The following CACNA1A variants were observed in gnomAD, a reference collection of about 807,000 sequenced individuals.
CACNA1A encodes the protein voltage-dependent P/Q-type calcium channel subunit alpha-1A.
In CACNA1A, 57 loss-of-function variants were observed where a neutral mutation model predicts 262.4. The ratio of observed to expected loss-of-function variants is 0.22; its 90% CI spans 0.18 to 0.27. The LOEUF (loss-of-function observed/expected upper bound fraction) is 0.27. CACNA1A is among the 10% of genes least tolerant of loss of function. CACNA1A has a pLI of 1.00. For missense variants in CACNA1A, 2,526 were observed against 3,562.8 expected, an observed-to-expected ratio of 0.71 and a Z score of 7.41; for synonymous variants, 1,431 against 1,419.3, an observed-to-expected ratio of 1.01 and a Z score of -0.18.
chr19:13,347,894 C>A (rs2058822143), intron 6 of CACNA1A, among the ~76,000 whole-genome samples: 2 of 151,870 alleles, frequency 1.3e-5, no homozygotes, highest in Non-Finnish European at 2.9e-5. Context: ...GGCCAGGGGA[C>A]ACGCATTTAT....
intron 43 of CACNA1A, chr19:13,211,873 C>A: frequency 5.8e-6 from 3 of 519,702 alleles, no homozygotes; most frequent in Admixed American, 3.2e-5. Context: ...CCCTCTGCCC[C>A]AGGGGGAGCA....
chr19:13,466,791 T>C (rs530277606), intron 1 of CACNA1A, among the ~76,000 whole-genome samples: 1 of 152,060 alleles, frequency 6.6e-6, no homozygotes, highest in Non-Finnish European at 1.5e-5. Flanking sequence ...AAATTGCTGA[T>C]TTTTTTTCCT....
chr19:13,213,101 G>T (rs1391194662), intron 40 of CACNA1A, among the ~76,000 whole-genome samples: 1 of 152,066 alleles, frequency 6.6e-6, no homozygotes, highest in African/African-American at 2.4e-5. Flanking sequence ...CCACTTGCTT[G>T]GGGAAAAAGC....
At chr19:13,390,671 A>C (rs1364622171) in intron 3 of CACNA1A, among the ~76,000 whole-genome samples, 4 of 152,038 alleles carry the variant, frequency 2.6e-5, no homozygotes, top group African/African-American at 9.7e-5. Context: ...TTTTTTTATG[A>C]TTCTATCCAC....
At chr19:13,361,957 T>C (rs985908271) in intron 5 of CACNA1A, 1 of 151,932 alleles carries the variant, frequency 6.6e-6, no homozygotes, top group East Asian at 1.9e-4. Flanking sequence ...CCTCTTTGTG[T>C]AGCCCAGTTA....
At chr19:13,458,997 C>A (rs1314820918) in intron 1 of CACNA1A, among the ~76,000 whole-genome samples, 1 of 152,164 alleles carries the variant, frequency 6.6e-6, no homozygotes, top group Non-Finnish European at 1.5e-5. Flanking sequence ...CTGGGCACTG[C>A]AGCATGTTCA....
At chr19:13,276,176 G>A (rs1032670280) in intron 23 of CACNA1A, among the ~76,000 whole-genome samples, 1 of 152,188 alleles carries the variant, frequency 6.6e-6, no homozygotes, top group East Asian at 1.9e-4. Context: ...CTGGCTTGCC[G>A]GCTCTTAGAT....
intron 1 of CACNA1A, among the ~76,000 whole-genome samples, chr19:13,483,917 A>T (rs909754936): frequency 6.6e-6 from 1 of 152,238 alleles, no homozygotes; most frequent in African/African-American, 2.4e-5. Flanking sequence ...CCTCACAGCA[A>T]GTCAACAGGT....
intron 24 of CACNA1A, chr19:13,271,212 C>CTGTTTTTTTTGTTTTTTTTGTTTTTTT (rs1568481318): frequency 5.2e-5 from 5 of 96,986 alleles, no homozygotes; most frequent in African/African-American, 2.0e-4. Context: ...AATCATTCTG[C>CTGTTTTTTTTGTTTTTTTTGTTTTTTT]TGTTTTTTTT....
intron 30 of CACNA1A, among the ~76,000 whole-genome samples, chr19:13,250,817 T>C (rs1568461695): frequency 1.3e-5 from 2 of 152,184 alleles, no homozygotes; most frequent in Non-Finnish European, 2.9e-5. Flanking sequence ...AGGTTACCTT[T>C]TGTAATAAAA....
At chr19:13,496,058 ATCC>A (rs1981481391) in intron 1 of CACNA1A, among the ~76,000 whole-genome samples, 1 of 144,796 alleles carries the variant, frequency 6.9e-6, no homozygotes, top group African/African-American at 2.8e-5. Flanking sequence ...CCATCCATCC[ATCC>A]ATCCATCCAT....
chr19:13,486,875 G>C (rs539486881), intron 1 of CACNA1A, among the ~76,000 whole-genome samples: 45 of 151,094 alleles, frequency 3.0e-4, no homozygotes, highest in Admixed American at 1.8e-3. Flanking sequence ...CTCTCTCTCT[G>C]TGTCTCCTCT....
intron 1 of CACNA1A, among the ~76,000 whole-genome samples, chr19:13,483,575 G>A (rs1423754410): frequency 6.6e-6 from 1 of 152,154 alleles, no homozygotes; most frequent in African/African-American, 2.4e-5. Context: ...GAAAATTCCG[G>A]GAAGATAGCT....
chr19:13,439,208 A>G (rs1029276723), intron 3 of CACNA1A, among the ~76,000 whole-genome samples: 2 of 148,158 alleles, frequency 1.3e-5, no homozygotes, highest in Non-Finnish European at 3.0e-5. Flanking sequence ...TCCCAGGTTC[A>G]CGCCATTCTC....
chr19:13,360,265 G>GTGTATATA lies in CACNA1A; in HGVS notation c.785-467_785-466insTATATACA, dbSNP rs941666561. Among the ~76,000 whole-genome samples the GTGTATATA allele has an allele frequency of 3.4e-3, 420 of 124,208 alleles. 7 individuals are homozygous for GTGTATATA. The highest frequency in any genetic ancestry group is 0.013 in the African/African-American group (407 of 31,838). The allele number at this position is 124,208 out of a possible 152,430, so 81.5% of individuals were successfully genotyped here. A position where few individuals can be genotyped will look rare whatever the true frequency, so the allele number is the denominator to read the frequency against. ...ATTAGGTGTCTGTGTGTGTGTGTGT[G>GTGTATATA]TATATATATATATATATATATGAAG... On this transcript the variant is annotated intron_variant, in intron 5 of 46. Coordinates refer to ENST00000360228, the MANE Select transcript of CACNA1A (RefSeq NM_001127222.2).
chr19:13,241,560 GCGGGC>G lies in CACNA1A; in HGVS notation c.4950+3617_4950+3621del. 1 of 1,220,588 alleles carries G rather than the reference GCGGGC, an allele frequency of 8.2e-7. No individual in the cohort carries two copies. The highest frequency in any genetic ancestry group is 1.3e-5 in the South Asian group (1 of 77,994). The allele number at this position is 1,220,588 out of a possible 1,614,324, so 75.6% of individuals were successfully genotyped here. On this transcript the variant is annotated intron_variant, in intron 31 of 46. Transcript: ENST00000360228. The surrounding 1 kb of genome is among the most constrained non-coding windows in gnomAD (Gnocchi z 4.0). ...AGATGTTGAAGATGAGGGGGAGCGGGCGGGCGGGGGCAGTTGGGGAGGCGTGTTCA... is the reference window on the plus strand; with the variant it reads ...AGATGTTGAAGATGAGGGGGAGCGGGGGGGGCAGTTGGGGAGGCGTGTTCA...
At chr19:13,277,201 C>G in intron 22 of CACNA1A, 73 bp from the exon 23 acceptor site, 1 of 1,057,564 alleles carries the variant, frequency 9.5e-7, no homozygotes, top group South Asian at 1.3e-5. Flanking sequence ...AACTAACGAT[C>G]GCCTACTGGG....
At chr19:13,343,235 C>T (rs1352124137) in intron 6 of CACNA1A, among the ~76,000 whole-genome samples, 1 of 152,038 alleles carries the variant, frequency 6.6e-6, no homozygotes, top group Non-Finnish European at 1.5e-5. Context: ...GATTCTCTGC[C>T]TCAGCCTCCA....
chr19:13,417,659 C>T (rs955363865), intron 3 of CACNA1A, among the ~76,000 whole-genome samples: 1 of 151,954 alleles, frequency 6.6e-6, no homozygotes, highest in Non-Finnish European at 1.5e-5. Context: ...GAGACCGAGG[C>T]GGGTGGATCA....
Sources: allele counts gnomAD v4.1 joint callset (sites outside exome capture counted in the v4.1 genomes callset), GRCh38; gene constraint gnomAD v4.1.1; non-coding constraint Gnocchi (gnomAD v3.1); transcripts MANE v1.5; gene names NCBI Gene and HGNC (gene_info 2026-07-23, HGNC 2026-07-21).